Variants in COL3A1 observed in about 807,000 individuals in gnomAD.
COL3A1 encodes the protein collagen type III alpha 1 chain, also known as collagen alpha-1(III) chain.
Under a neutral mutation model 200.9 loss-of-function variants are expected in COL3A1, and 46 were observed. The ratio of observed to expected loss-of-function variants is 0.23; its 90% CI spans 0.18 to 0.29. The LOEUF (loss-of-function observed/expected upper bound fraction) is 0.29. COL3A1 is among the 10% of genes least tolerant of loss of function. The pLI is 1.00. For missense variants in COL3A1, 1,367 were observed against 1,917.6 expected, an observed-to-expected ratio of 0.71 and a Z score of 5.36; for synonymous variants, 650 against 628.0, an observed-to-expected ratio of 1.03 and a Z score of -0.52.
At chr2:189,004,964 CT>C (rs1314789591) in intron 40 of COL3A1, among the ~76,000 whole-genome samples, 1 of 152,052 alleles carries the variant, frequency 6.6e-6, no homozygotes, top group Non-Finnish European at 1.5e-5. Context: ...TATGATATTT[CT>C]GGTAAGTGTA....
Position 189,005,393 on chromosome 2 carries a change from G to T in COL3A1, c.2975G>T (p.Arg992Leu). 2 of 1,614,110 alleles carry T rather than the reference G, an allele frequency of 1.2e-6. No homozygotes were observed. The highest frequency in any genetic ancestry group is 1.7e-6 in the Non-Finnish European group (2 of 1,179,976). The change falls in exon 41 of 51, where the codon CGT (arginine) becomes CTT (leucine). Residue 992 changes from arginine to leucine, a missense_variant. Arg to Leu is a moderately radical substitution (Grantham distance 102, BLOSUM62 -2). This residue lies in a region of COL3A1 where 846 missense variants were observed against 1,147.9 expected (regional missense o/e 0.74). Transcript: ENST00000304636. Reference protein sequence around the residue: ...KPGANGLSGERGPPGPQGLPG... With the variant: ...KPGANGLSGELGPPGPQGLPG... ...GGAGCTAACGGTCTCAGTGGAGAAC[G>T]TGGTCCCCCTGGACCCCAGGGTCTT...
chr2:188,981,276 A>G (rs1296405509), intron 1 of COL3A1, among the ~76,000 whole-genome samples: 2 of 151,524 alleles, frequency 1.3e-5, no homozygotes, highest in African/African-American at 4.8e-5. Context: ...GAGTGGTTTA[A>G]GACATGTGTT....
intron 10 of COL3A1, among the ~76,000 whole-genome samples, 171 bp downstream of exon 10, chr2:188,990,531 A>C (rs963015981): frequency 1.3e-5 from 2 of 152,158 alleles, no homozygotes; most frequent in Non-Finnish European, 2.9e-5. Context: ...CATTTTTTGC[A>C]AAATAAAGGA....
At chr2:188,987,006 G>T (rs1688076703) in intron 4 of COL3A1, 53 bp from the exon 5 acceptor site, 2 of 1,516,696 alleles carry the variant, frequency 1.3e-6, no homozygotes, top group Non-Finnish European at 9.2e-7. Flanking sequence ...CTTTTTAAAA[G>T]AATTATGAAC....
chr2:189,010,144 T>C, intron 48 of COL3A1, 34 bp from the exon 49 acceptor site: 1 of 1,608,266 alleles, frequency 6.2e-7, no homozygotes, highest in Non-Finnish European at 8.5e-7. Context: ...CTGGATTTTA[T>C]AACCAATTCC....
chr2:188,989,358 T>A, intron 7 of COL3A1, 38 bp from the exon 8 acceptor site: 1 of 1,489,606 alleles, frequency 6.7e-7, no homozygotes, highest in Non-Finnish European at 9.2e-7. Context: ...AACAGAAAAA[T>A]TTACAAATCT....
chr2:188,999,379 G>A lies in COL3A1; in HGVS notation c.2117G>A (p.Gly706Glu), dbSNP rs1688402397. 6.2e-7 allele frequency: 1 copy of A among 1,611,912 alleles called. No homozygotes were observed. The highest frequency in any genetic ancestry group is 8.5e-7 in the Non-Finnish European group (1 of 1,178,936). The change falls in exon 30 of 51, where the codon GGA becomes GAA. Residue 706 changes from glycine (G) to glutamate (E), a missense_variant. This residue lies in a region of COL3A1 where 846 missense variants were observed against 1,147.9 expected (regional missense o/e 0.74). Transcript: ENST00000304636. ...GGAGPPGPEG[G>E]KGAAGPPGPP... ...GCTGGTCCCCCTGGTCCCGAAGGAGGAAAGGTAACTCCACAGCATTCCATT... is the reference window on the plus strand; with the variant it reads ...GCTGGTCCCCCTGGTCCCGAAGGAGAAAAGGTAACTCCACAGCATTCCATT...
Position 189,012,290 on chromosome 2 carries a change from G to T in COL3A1, c.*516G>T. 1 of 152,914 alleles carries T rather than the reference G, an allele frequency of 6.5e-6. No individual in the cohort carries two copies. Among genetic ancestry groups the T allele is most frequent in the Non-Finnish European group, 1.5e-5 (1 of 68,394 alleles). 9.5% of individuals were successfully genotyped at this position (152,914 alleles called of 1,614,324 possible). On this transcript the variant is annotated 3_prime_UTR_variant, in exon 51 of 51. Transcript: ENST00000304636. The stretch of plus-strand genomic sequence containing the variant: ...AATTTCATTGATTAATCTCCTGGAA[G>T]ATTGGTTTAAAAAGAAAAGTGTAAT...
At chr2:189,011,304 A>G (rs554419193) in intron 50 of COL3A1, among the ~76,000 whole-genome samples, 2 of 152,332 alleles carry the variant, frequency 1.3e-5, no homozygotes, top group South Asian at 4.1e-4. Context: ...AGCGAATTTC[A>G]TTGTGAGAGA....
Position 188,997,384 on chromosome 2 carries a change from C to T in COL3A1, c.1864C>T (p.Pro622Ser), listed in dbSNP as rs772638774. Residue 622 changes from proline (P) to serine (S), a missense_variant, in exon 26 of 51, where the codon CCT becomes TCT. Physicochemically the swap from Pro to Ser is moderately conservative, Grantham distance 74. Around this residue, in one of 5 missense-constraint regions of COL3A1, gnomAD observed 846 missense variants for 1,147.9 expected, o/e 0.74. Transcript: ENST00000304636. ...AACTGGACCTCAGGGACCCCCAGGG[C>T]CTACTGTAAGTTCACTCATATAAAA... ...GETGPQGPPGPTGPGGDKGDT... is the reference protein window; with the variant it reads ...GETGPQGPPGSTGPGGDKGDT... The T allele has an allele frequency of 3.8e-5, 61 of 1,613,556 alleles. No individual in the cohort carries two copies. Among genetic ancestry groups the T allele is most frequent in the Non-Finnish European group, 4.7e-5 (56 of 1,179,638 alleles).
At position 188,993,398 on chromosome 2, in the gene COL3A1, G is replaced by T; in HGVS notation, c.1088G>T (p.Gly363Val). ...VGPAGSPGSN[G>V]APGQRGEPGP... ...CCTGCAGGGTCTCCTGGTTCAAATGGTGCCCCTGGACAAAGAGGAGAACCT... is the reference window on the plus strand; with the variant it reads ...CCTGCAGGGTCTCCTGGTTCAAATGTTGCCCCTGGACAAAGAGGAGAACCT... The change falls in exon 16 of 51, where the codon GGT (glycine) becomes GTT (valine). Residue 363 changes from glycine (G) to valine (V), a missense_variant. Gly to Val is a moderately radical substitution (Grantham distance 109). Transcript: ENST00000304636. The T allele has an allele frequency of 6.4e-7, 1 of 1,570,286 alleles. No homozygotes were observed. Among genetic ancestry groups the T allele is most frequent in the Non-Finnish European group, 8.6e-7 (1 of 1,156,414 alleles).
intron 11 of COL3A1, among the ~76,000 whole-genome samples, chr2:188,991,261 G>T (rs2153502075): frequency 6.6e-6 from 1 of 152,202 alleles, no homozygotes; most frequent in South Asian, 2.1e-4. Context: ...ATTAGAAATA[G>T]TTGAGCATCT....
chr2:188,980,944 A>G (rs940670762), intron 1 of COL3A1, among the ~76,000 whole-genome samples: 2 of 151,364 alleles, frequency 1.3e-5, no homozygotes, highest in African/African-American at 4.8e-5. Context: ...CAGATTATAC[A>G]ACATCTTTTC....
At chr2:188,998,349 G>A (rs770100878) in intron 28 of COL3A1, 30 bp downstream of exon 28, 4 of 1,581,838 alleles carry the variant, frequency 2.5e-6, no homozygotes, top group African/African-American at 1.3e-5. Flanking sequence ...TCAAAACTCA[G>A]AAACAAAAAG....
At chr2:188,987,489 T>C (rs1338868750) in intron 5 of COL3A1, among the ~76,000 whole-genome samples, 4 of 152,102 alleles carry the variant, frequency 2.6e-5, no homozygotes, top group African/African-American at 9.7e-5. Flanking sequence ...AACTGAAGCA[T>C]ACTGTTTTCA....
rs779352711 is a variant in COL3A1, at chr2:188,988,628, G to A, written c.621G>A (p.Gly207=). The change falls in exon 7 of 51, where the codon GGG becomes GGA. Residue 207 remains glycine (G), a synonymous_variant. Transcript: ENST00000304636. ...PGYQGPPGEP[G]QAGPSGPPGP... ...ACCAAGGACCCCCTGGTGAACCTGG[G>A]CAAGCTGGTCCTTCAGTAAGTAACA... The A allele has an allele frequency of 8.7e-6, 14 of 1,607,116 alleles. No individual in the cohort carries two copies. Among genetic ancestry groups the A allele is most frequent in the Middle Eastern group, 1.7e-4 (1 of 6,048 alleles).
chr2:188,995,062 G>C lies in COL3A1; in HGVS notation c.1472G>C (p.Arg491Pro), dbSNP rs774551212. ...AAGERGAPGF[R>P]GPAGPNGIPG... ...TATTTTCAGGGTGCCCCTGGGTTCC[G>C]AGGACCTGCTGGACCAAATGGCATC... The change falls in exon 21 of 51, where the codon CGA (arginine) becomes CCA (proline). Residue 491 changes from arginine (R) to proline (P), a missense_variant. Around this residue, in one of 5 missense-constraint regions of COL3A1, gnomAD observed 462 missense variants for 681.4 expected, o/e 0.68. Transcript: ENST00000304636. 1 of 1,614,020 alleles carries C rather than the reference G, an allele frequency of 6.2e-7. No homozygotes were observed. Among genetic ancestry groups the C allele is most frequent in the East Asian group, 2.2e-5 (1 of 44,890 alleles).
At chr2:188,990,006 G>A in intron 8 of COL3A1, 90 bp from the exon 9 acceptor site, 1 of 1,223,598 alleles carries the variant, frequency 8.2e-7, no homozygotes, top group South Asian at 1.2e-5. Flanking sequence ...AGTCCTTTGT[G>A]AGAAAAATGC....
chr2:189,003,344 G>C, intron 36 of COL3A1, 67 bp from the exon 37 acceptor site: 3 of 1,415,744 alleles, frequency 2.1e-6, no homozygotes, highest in Non-Finnish European at 3.0e-6. Context: ...GTTTTCAAAG[G>C]CTTAATGCTT....
Sources: allele counts gnomAD v4.1 joint callset (sites outside exome capture counted in the v4.1 genomes callset), GRCh38; gene constraint gnomAD v4.1.1; regional missense constraint gnomAD v4.1.1; transcripts MANE v1.5; gene names NCBI Gene and HGNC (gene_info 2026-07-23, HGNC 2026-07-21).